Variants in PTGIR observed in about 807,000 individuals in gnomAD.
PTGIR encodes the protein prostacyclin receptor.
A neutral mutation model predicts 17.6 loss-of-function variants in PTGIR; 16 were observed. That is an observed-to-expected ratio of 0.91 (90% CI 0.61 to 1.38). The LOEUF is 1.38. Ranked by LOEUF, PTGIR falls within the 40% of genes most tolerant of loss-of-function variation. PTGIR has a pLI of 0.00. For synonymous variants in PTGIR, 274 were observed against 255.4 expected (o/e 1.07, Z -0.69); for missense variants, 532 against 548.6 (o/e 0.97, Z 0.30).
downstream of PTGIR, among the ~76,000 whole-genome samples, chr19:46,617,844 C>CT (rs61603656): frequency 0.057 from 7,907 of 138,480 alleles, 379 homozygotes; most frequent in East Asian, 0.25. Context: ...TTAACAAGGG[C>CT]TTTTTTTTTT....
chr19:46,622,245 C>T (rs1325306439), intron 2 of PTGIR: 4 of 985,242 alleles, frequency 4.1e-6, no homozygotes, highest in Non-Finnish European at 4.8e-6. Flanking sequence ...CCGCAGGAAA[C>T]CGAGGTGCAG....
downstream of PTGIR, among the ~76,000 whole-genome samples, chr19:46,616,329 T>TTTTTG (rs1204564018): frequency 7.5e-6 from 1 of 133,826 alleles, no homozygotes; most frequent in African/African-American, 3.0e-5. Flanking sequence ...AGAAATGCTT[T>TTTTTG]TTTTTTTTTT....
At position 46,621,826 on chromosome 19, in the gene PTGIR, G is replaced by C; in HGVS notation, c.769-154C>G. The C allele has an allele frequency of 7.1e-7, 1 of 1,408,548 alleles. No individual in the cohort carries two copies. Among genetic ancestry groups the C allele is most frequent in the Non-Finnish European group, 9.2e-7 (1 of 1,083,546 alleles). The allele number at this position is 1,408,548 out of a possible 1,614,324, so 87.3% of individuals were successfully genotyped here. On this transcript the variant is annotated intron_variant, in intron 2 of 2. Coordinates refer to ENST00000291294, the MANE Select transcript of PTGIR (RefSeq NM_000960.4). The surrounding 1 kb of genome is among the most constrained non-coding windows in gnomAD (Gnocchi z 4.8). ...AAGACTAAGTAACAAATGTATCTGG[G>C]GAACACAGGGAGAGAAAGCCCCAGG...
chr19:46,616,050 C>T (rs1294923935), downstream of PTGIR, among the ~76,000 whole-genome samples: 1 of 152,160 alleles, frequency 6.6e-6, no homozygotes, highest in African/African-American at 2.4e-5. Context: ...GATCCACCTG[C>T]CTCGGCCTCC....
the PTGIR span, chr19:46,610,847 C>T: frequency 1.6e-4 from 25 of 152,956 alleles, no homozygotes; most frequent in African/African-American, 6.0e-4. Context: ...ACACACCAAC[C>T]CCAGCACTGA....
At chr19:46,623,304 G>C in intron 2 of PTGIR, 154 bp downstream of exon 2, 1 of 940,330 alleles carries the variant, frequency 1.1e-6, no homozygotes, top group Non-Finnish European at 1.5e-6. Context: ...GTCCTGCCTC[G>C]GCCTTTCTAC....
Position 46,621,843 on chromosome 19 carries a change from A to G in PTGIR, c.769-171T>C, listed in dbSNP as rs868790703. ...GTATCTGGGGAACACAGGGAGAGAAAGCCCCAGGAAATTGCCAGAGATGCC... is the reference window on the plus strand; with the variant it reads ...GTATCTGGGGAACACAGGGAGAGAAGGCCCCAGGAAATTGCCAGAGATGCC... On this transcript the variant is annotated intron_variant, in intron 2 of 2. Coordinates refer to ENST00000291294, the MANE Select transcript of PTGIR (RefSeq NM_000960.4). This position sits in a 1 kb window ranked among gnomAD's most constrained non-coding sequence, Gnocchi z 4.8. 1.4e-6 allele frequency: 2 copies of G among 1,385,616 alleles called. No individual in the cohort carries two copies. Among genetic ancestry groups the G allele is most frequent in the Non-Finnish European group, 1.9e-6 (2 of 1,072,624 alleles). The allele number at this position is 1,385,616 out of a possible 1,614,324, so 85.8% of individuals were successfully genotyped here. A position where few individuals can be genotyped will look rare whatever the true frequency, so the allele number is the denominator to read the frequency against.
chr19:46,621,429 C>A lies in PTGIR; in HGVS notation c.1012G>T (p.Ala338Ser), dbSNP rs758885672. 5 of 1,612,590 alleles carry A rather than the reference C, an allele frequency of 3.1e-6. No homozygotes were observed. The highest frequency in any genetic ancestry group is 4.2e-6 in the Non-Finnish European group (5 of 1,178,994). ...CAGCTCCCCTCCTTTCCCACAGGAG[C>A]AGAGGGGGCCCTTGGGTCCCTCCTC... is the stretch of plus-strand genomic sequence containing the variant. The part of the protein sequence containing the change: ...SGRRDPRAPS[A>S]PVGKEGSCVP... Residue 338 changes from alanine (A) to serine (S), a missense_variant, in exon 3 of 3, where the codon GCT (alanine) becomes TCT (serine). Transcript: ENST00000291294. This position sits in a 1 kb window ranked among gnomAD's most constrained non-coding sequence, Gnocchi z 4.8.
At chr19:46,611,710 C>T in the PTGIR span, among the ~76,000 whole-genome samples, 1 of 152,166 alleles carries the variant, frequency 6.6e-6, no homozygotes, top group Admixed American at 6.5e-5. Flanking sequence ...AGTTTGAGAC[C>T]AGCCTGGGCA....
At chr19:46,618,685 A>G (rs1462348454), downstream of PTGIR, among the ~76,000 whole-genome samples, 1 of 152,188 alleles carries the variant, frequency 6.6e-6, no homozygotes, top group Non-Finnish European at 1.5e-5. Context: ...CAAAGTTACA[A>G]TTCAGTGGCA....
At chr19:46,619,535 AAGAAAGAAAGAAAGAG>A (rs1410310025), downstream of PTGIR, among the ~76,000 whole-genome samples, 368 of 66,454 alleles carry the variant, frequency 5.5e-3, 5 homozygotes, top group Non-Finnish European at 9.0e-3. Flanking sequence ...GAAAGAAAGA[AAGAAAGAAAGAAAGAG>A]AGAGAGAGAG....
In PTGIR at chr19:46,621,863, G is replaced by A; in HGVS notation, c.769-191C>T. Reference sequence around the variant, plus strand: ...GAGAAAGCCCCAGGAAATTGCCAGAGATGCCTAAGGGGAGAGGGATGGGGG... The same window carrying A: ...GAGAAAGCCCCAGGAAATTGCCAGAAATGCCTAAGGGGAGAGGGATGGGGG... On this transcript the variant is annotated intron_variant, in intron 2 of 2. Transcript: ENST00000291294. This position sits in a 1 kb window ranked among gnomAD's most constrained non-coding sequence, Gnocchi z 4.8. The A allele has an allele frequency of 7.3e-7, 1 of 1,376,402 alleles. No individual in the cohort carries two copies. The highest frequency in any genetic ancestry group is 9.4e-7 in the Non-Finnish European group (1 of 1,068,440). The allele number at this position is 1,376,402 out of a possible 1,614,324, so 85.3% of individuals were successfully genotyped here. A position where few individuals can be genotyped will look rare whatever the true frequency, so the allele number is the denominator to read the frequency against.
intron 2 of PTGIR, chr19:46,622,574 T>A: frequency 5.7e-6 from 1 of 174,006 alleles, no homozygotes; most frequent in Non-Finnish European, 1.1e-5. Context: ...GGGATGCATT[T>A]CATCATGGGG....
rs199787627 is a variant in PTGIR at position 46,623,996 on chromosome 19, C to T, written c.230G>A (p.Arg77His). 123 of 1,555,824 alleles carry T rather than the reference C, an allele frequency of 7.9e-5. 4 individuals carry two copies. In the South Asian group the frequency reaches 1.4e-3, roughly 18 times the overall value. ...LSPAVFVAYA[R>H]NSSLLGLARG... ...GGCCAGGCCCAGCAGGGAGCTGTTG[C>T]GCGCATAGGCCACGAACACGGCCGG... The change falls in exon 2 of 3, where the codon CGC (arginine) becomes CAC (histidine). Residue 77 changes from arginine to histidine, a missense_variant. Arg to His is a conservative substitution (Grantham distance 29, BLOSUM62 0). Coordinates refer to ENST00000291294, the MANE Select transcript of PTGIR (RefSeq NM_000960.4).
Position 46,621,461 on chromosome 19 carries a change from G to T in PTGIR, c.980C>A (p.Ala327Asp), listed in dbSNP as rs2052726811. The T allele has an allele frequency of 6.2e-7, 1 of 1,614,142 alleles. No homozygotes were observed. The highest frequency in any genetic ancestry group is 2.2e-5 in the East Asian group (1 of 44,886). The change falls in exon 3 of 3, where the codon GCC becomes GAC. Residue 327 changes from alanine (A) to aspartate (D), a missense_variant. Ala to Asp is a moderately radical substitution (Grantham distance 126). Coordinates refer to ENST00000291294, the MANE Select transcript of PTGIR (RefSeq NM_000960.4). The surrounding 1 kb of genome is among the most constrained non-coding windows in gnomAD (Gnocchi z 4.8). ...GGCCCTTGGGTCCCTCCTCCCTGAG[G>T]CGAGCTGGGAAAGGGGTGTCTGCGA... ...GDSQTPLSQL[A>D]SGRRDPRAPS...
In PTGIR at chr19:46,623,216, C is replaced by T. The variant is rs539170459; in HGVS notation, c.768+242G>A. ...TTCATCATGTTGGCCAGACTGGTCTCGAACTCCTGACCTCAAATGATCCGC... is the reference window on the plus strand; with the variant it reads ...TTCATCATGTTGGCCAGACTGGTCTTGAACTCCTGACCTCAAATGATCCGC... On this transcript the variant is annotated intron_variant, in intron 2 of 2. Coordinates refer to ENST00000291294, the MANE Select transcript of PTGIR (RefSeq NM_000960.4). The T allele has an allele frequency of 1.6e-4, 66 of 417,364 alleles. 2 individuals carry two copies. In the South Asian group the frequency reaches 3.4e-3, roughly 22 times the overall value. The allele number at this position is 417,364 out of a possible 1,614,324, so 25.9% of individuals were successfully genotyped here.
intron 2 of PTGIR, chr19:46,623,249 G>A (rs932323156): frequency 8.0e-6 from 4 of 501,106 alleles, no homozygotes; most frequent in Non-Finnish European, 1.3e-5. Context: ...CGCCGGCCTC[G>A]GCCTCCCAAA....
In PTGIR at chr19:46,621,902, T is replaced by G; in HGVS notation, c.769-230A>C. ...GAGGGATGGGGGCCAGGTATGTGGG[T>G]CCCCCCACCCTTGGAAGCTGGGAGG... On this transcript the variant is annotated intron_variant, in intron 2 of 2. Coordinates refer to ENST00000291294, the MANE Select transcript of PTGIR (RefSeq NM_000960.4). This position sits in a 1 kb window ranked among gnomAD's most constrained non-coding sequence, Gnocchi z 4.8. 7.6e-7 allele frequency: 1 copy of G among 1,310,780 alleles called. No individual in the cohort carries two copies. Among genetic ancestry groups the G allele is most frequent in the Non-Finnish European group, 9.7e-7 (1 of 1,032,004 alleles). The allele number at this position is 1,310,780 out of a possible 1,614,324, so 81.2% of individuals were successfully genotyped here. A position where few individuals can be genotyped will look rare whatever the true frequency, so the allele number is the denominator to read the frequency against.
At position 46,621,022 on chromosome 19, in the gene PTGIR, G is replaced by A. The variant is rs2052720366; in HGVS notation, c.*258C>T. On this transcript the variant is annotated 3_prime_UTR_variant, in exon 3 of 3. Transcript: ENST00000291294. This position sits in a 1 kb window ranked among gnomAD's most constrained non-coding sequence, Gnocchi z 4.8. The stretch of plus-strand genomic sequence containing the variant: ...GACAATGAGATGGATGGGGAATCCA[G>A]GGCCAGAGCAGGTCGGCCAGGCCAC... 2 of 1,185,830 alleles carry A rather than the reference G, an allele frequency of 1.7e-6. No homozygotes were observed. The highest frequency in any genetic ancestry group is 3.7e-5 in the East Asian group (1 of 26,778). 73.5% of individuals were successfully genotyped at this position (1,185,830 alleles called of 1,614,324 possible).
Sources: allele counts gnomAD v4.1 joint callset (sites outside exome capture counted in the v4.1 genomes callset), GRCh38; gene constraint gnomAD v4.1.1; non-coding constraint Gnocchi (gnomAD v3.1); transcripts MANE v1.5; gene names NCBI Gene and HGNC (gene_info 2026-07-23, HGNC 2026-07-21).